The following CDH8 variants were observed in gnomAD, a reference collection of about 807,000 sequenced individuals.
CDH8 encodes the protein cadherin 8.
Under a neutral mutation model 68.1 loss-of-function variants are expected in CDH8, and 17 were observed. The observed-to-expected ratio is 0.25, with a 90% CI of 0.17 to 0.37. The LOEUF is 0.37. Among genes scored for constraint, CDH8 ranks in the 10% least tolerant of loss-of-function variants. CDH8 has a pLI of 1.00. For missense variants in CDH8, 763 were observed against 999.3 expected (o/e 0.76, Z 3.19); for synonymous variants, 372 against 365.1 (o/e 1.02, Z -0.21).
chr16:61,737,048 T>C (rs1959717441), intron 8 of CDH8, among the ~76,000 whole-genome samples: 2 of 152,178 alleles, frequency 1.3e-5, no homozygotes, highest in Admixed American at 1.3e-4. Flanking sequence ...ACTTCTACCA[T>C]TTGAGTAGTA....
chr16:61,877,346 A>G (rs1486597713), intron 3 of CDH8, among the ~76,000 whole-genome samples: 2 of 152,174 alleles, frequency 1.3e-5, no homozygotes, highest in Non-Finnish European at 2.9e-5. Flanking sequence ...CTGGAATTCA[A>G]TCCTTTGGAA....
At chr16:61,932,561 T>C (rs375818455) in intron 2 of CDH8, among the ~76,000 whole-genome samples, 13 of 152,264 alleles carry the variant, frequency 8.5e-5, no homozygotes, top group African/African-American at 2.4e-4. Context: ...AGTAAAACAA[T>C]AGTTTAAGAG....
At chr16:61,814,472 A>C (rs1379460759) in intron 7 of CDH8, among the ~76,000 whole-genome samples, 2 of 152,238 alleles carry the variant, frequency 1.3e-5, no homozygotes, top group East Asian at 3.8e-4. Flanking sequence ...TCAAAAATAC[A>C]TGATATTTCT....
intron 1 of CDH8, chr16:62,035,188 G>A (rs1302496667): frequency 1.3e-5 from 2 of 152,200 alleles, no homozygotes; most frequent in East Asian, 3.9e-4. Flanking sequence ...TTACGTACTG[G>A]CAGAACCTAG....
chr16:62,027,211 T>C (rs991658205), intron 1 of CDH8, among the ~76,000 whole-genome samples: 1 of 152,220 alleles, frequency 6.6e-6, no homozygotes, highest in African/African-American at 2.4e-5. Flanking sequence ...CTGGGTAAAA[T>C]ACTTAAAATC....
intron 10 of CDH8, among the ~76,000 whole-genome samples, chr16:61,700,440 C>T (rs527834817): frequency 9.2e-5 from 14 of 151,872 alleles, no homozygotes; most frequent in Non-Finnish European, 1.9e-4. Flanking sequence ...GCCACAACGC[C>T]CAGGTAATTT....
chr16:61,938,582 A>G (rs535540273), intron 2 of CDH8, among the ~76,000 whole-genome samples: 21 of 152,308 alleles, frequency 1.4e-4, no homozygotes, highest in African/African-American at 5.1e-4. Flanking sequence ...ATTAAAATGT[A>G]AGGTACTGCT....
At chr16:61,706,620 C>CAAAAAAAAAAAAAAAAAAAAAAAAAA (rs781148249) in intron 10 of CDH8, among the ~76,000 whole-genome samples, 1 of 60,382 alleles carries the variant, frequency 1.7e-5, no homozygotes, top group Non-Finnish European at 3.0e-5. Flanking sequence ...GACTCTGTCT[C>CAAAAAAAAAAAAAAAAAAAAAAAAAA]AAAAAAAAAA....
chr16:61,775,743 G>A (rs1369654843), intron 8 of CDH8, among the ~76,000 whole-genome samples: 1 of 151,958 alleles, frequency 6.6e-6, no homozygotes, highest in Admixed American at 6.6e-5. Flanking sequence ...ATACATGTGA[G>A]GCCAAGATTG....
In CDH8 at chr16:61,647,470, G is replaced by A. The variant is rs577530954; in HGVS notation, c.*6138C>T. ...TAAAGCAGAGTAACGTTGGAAAGGT[G>A]GGGGGGGTGATCCCAGTGACTCCTA... On this transcript the variant is annotated 3_prime_UTR_variant, in exon 12 of 12. Coordinates refer to ENST00000577390, the MANE Select transcript of CDH8 (RefSeq NM_001796.5). The A allele has an allele frequency of 0.024, 470 of 19,554 alleles. 3 individuals carry two copies. Among genetic ancestry groups the A allele is most frequent in the African/African-American group, 0.032 (20 of 632 alleles). 1.2% of individuals were successfully genotyped at this position (19,554 alleles called of 1,614,324 possible).
intron 8 of CDH8, chr16:61,743,023 C>A (rs777003196): frequency 6.6e-6 from 1 of 152,176 alleles, no homozygotes; most frequent in Non-Finnish European, 1.5e-5. Flanking sequence ...TATCACAATA[C>A]ATTTTAAAAG....
At chr16:61,972,654 T>G (rs1051570720) in intron 2 of CDH8, among the ~76,000 whole-genome samples, 4 of 151,362 alleles carry the variant, frequency 2.6e-5, no homozygotes, top group Non-Finnish European at 5.9e-5. Context: ...AATAACCTTC[T>G]CCATGAAAAT....
At chr16:62,028,068 T>C (rs1436615648) in intron 1 of CDH8, among the ~76,000 whole-genome samples, 1 of 150,322 alleles carries the variant, frequency 6.7e-6, no homozygotes, top group African/African-American at 2.5e-5. Context: ...TCCATTTTTT[T>C]TTTTTTTTTT....
At chr16:61,859,837 C>T (rs1162454570) in intron 3 of CDH8, among the ~76,000 whole-genome samples, 1 of 152,088 alleles carries the variant, frequency 6.6e-6, no homozygotes, top group Non-Finnish European at 1.5e-5. Context: ...GGGCACCTCC[C>T]TCACAAGAGA....
intron 2 of CDH8, among the ~76,000 whole-genome samples, chr16:61,972,636 G>A (rs1018101004): frequency 6.6e-6 from 1 of 150,648 alleles, no homozygotes; most frequent in Non-Finnish European, 1.5e-5. Flanking sequence ...GGTTCCCAGA[G>A]TTTTCAGAAT....
At chr16:62,035,093 C>A in intron 1 of CDH8, 1 of 152,308 alleles carries the variant, frequency 6.6e-6, no homozygotes, top group Non-Finnish European at 1.5e-5. Context: ...CTGTTGGCAT[C>A]AGCGTTGGCG....
intron 2 of CDH8, among the ~76,000 whole-genome samples, chr16:61,943,263 G>C (rs529813027): frequency 6.6e-6 from 1 of 152,268 alleles, no homozygotes; most frequent in South Asian, 2.1e-4. Flanking sequence ...CTGTATTTCA[G>C]CACCTAGAAG....
Position 61,775,160 on chromosome 16 carries a change from T to TA in CDH8, c.1414+14185dup, listed in dbSNP as rs1158114151. On this transcript the variant is annotated intron_variant, in intron 8 of 11. Coordinates refer to ENST00000577390, the MANE Select transcript of CDH8 (RefSeq NM_001796.5). Reference sequence around the variant, plus strand: ...AGGTGAATTGCTTGAGGCCAGGAGTTAGAGACCGGCCTGAGCAACATAGGG... The same window carrying TA: ...AGGTGAATTGCTTGAGGCCAGGAGTTAAGAGACCGGCCTGAGCAACATAGGG... Among the ~76,000 whole-genome samples the TA allele has an allele frequency of 1.9e-4, 29 of 152,236 alleles. 1 individual carries two copies. The highest frequency in any genetic ancestry group is 6.5e-4 in the African/African-American group (27 of 41,540).
chr16:61,906,253 A>G (rs1026167015), intron 2 of CDH8, among the ~76,000 whole-genome samples: 13 of 152,306 alleles, frequency 8.5e-5, no homozygotes, highest in Non-Finnish European at 2.9e-5. Flanking sequence ...AACAATATGG[A>G]AGCAAAGAGA....
Sources: gnomAD v4.1 joint callset for allele counts (sites outside exome capture counted in the v4.1 genomes callset) on GRCh38, gnomAD v4.1.1 for gene constraint, MANE v1.5 for transcripts, NCBI Gene and HGNC (gene_info 2026-07-23, HGNC 2026-07-21) for gene names.